The following TMEM178B variants were observed in gnomAD, a reference collection of about 807,000 sequenced individuals.
TMEM178B encodes transmembrane protein 178B.
Under a neutral mutation model 31.0 loss-of-function variants are expected in TMEM178B, and 5 were observed. The observed-to-expected ratio is 0.16, with a 90% CI of 0.08 to 0.34. The LOEUF (loss-of-function observed/expected upper bound fraction) is 0.34. Ranked by LOEUF, TMEM178B falls within the 10% of genes least tolerant of loss-of-function variation. TMEM178B has a pLI of 1.00. For missense variants in TMEM178B, 275 were observed against 400.3 expected (o/e 0.69, Z 2.67); for synonymous variants, 164 against 164.0 (o/e 1.00, Z 0.00).
At chr7:141,248,283 C>A (rs574425158) in intron 2 of TMEM178B, among the ~76,000 whole-genome samples, 1 of 151,996 alleles carries the variant, frequency 6.6e-6, no homozygotes, top group South Asian at 2.1e-4. Context: ...TGGTGGCAGG[C>A]GCCTGTAATC....
downstream of TMEM178B, among the ~76,000 whole-genome samples, chr7:141,482,492 C>T (rs1172454882): frequency 2.0e-5 from 3 of 152,188 alleles, no homozygotes; most frequent in East Asian, 1.9e-4. Context: ...ACTAGCAGCA[C>T]CTGGTGAGCA....
At chr7:141,139,693 C>T (rs977003015) in intron 1 of TMEM178B, among the ~76,000 whole-genome samples, 2 of 152,058 alleles carry the variant, frequency 1.3e-5, no homozygotes, top group Non-Finnish European at 2.9e-5. Flanking sequence ...GTTGCACAAA[C>T]ATTGCTCTGC....
At chr7:141,090,672 C>G (rs940253381) in intron 1 of TMEM178B, among the ~76,000 whole-genome samples, 2 of 152,200 alleles carry the variant, frequency 1.3e-5, no homozygotes, top group African/African-American at 4.8e-5. Flanking sequence ...GCCTCTGATT[C>G]TCTGATGTAT....
intron 2 of TMEM178B, among the ~76,000 whole-genome samples, chr7:141,215,837 TCTTTTCTTTTCTTTTCTTTC>T (rs1797131846): frequency 1.5e-5 from 1 of 68,834 alleles, no homozygotes; most frequent in African/African-American, 3.5e-5. Context: ...TTTCTTTCTT[TCTTTTCTTTTCTTTTCTTTC>T]TCTTTCTTTC....
chr7:141,294,869 T>A (rs892064453), intron 2 of TMEM178B, among the ~76,000 whole-genome samples: 3 of 152,204 alleles, frequency 2.0e-5, no homozygotes, highest in Non-Finnish European at 4.4e-5. Context: ...CTGTGCTACA[T>A]CCTGGTGGAA....
At chr7:141,295,872 G>A (rs1389526554) in intron 2 of TMEM178B, among the ~76,000 whole-genome samples, 1 of 152,152 alleles carries the variant, frequency 6.6e-6, no homozygotes, top group Non-Finnish European at 1.5e-5. Context: ...TCTGAAGACG[G>A]CCCAGCCACA....
chr7:141,481,037 G>A (rs867924379), downstream of TMEM178B, among the ~76,000 whole-genome samples: 9 of 152,232 alleles, frequency 5.9e-5, no homozygotes, highest in African/African-American at 2.2e-4. Context: ...GAAGAAACGC[G>A]TGGCTGAGCA....
intron 2 of TMEM178B, among the ~76,000 whole-genome samples, chr7:141,338,582 GAA>G (rs1015399221): frequency 7.2e-5 from 11 of 152,168 alleles, no homozygotes; most frequent in African/African-American, 2.7e-4. Context: ...AAAAGAAAAA[GAA>G]AACTCCCTTT....
chr7:141,317,405 T>G lies in TMEM178B; in HGVS notation c.496+104701T>G, dbSNP rs964140686. On this transcript the variant is annotated intron_variant, in intron 2 of 3. Transcript: ENST00000565468. ...TCTGTTTTGCCCACCTGGCTGCAGG[T>G]GCATCAGTGAGAACAGCAGAGCTTT... Among the ~76,000 whole-genome samples, 6 of 152,156 alleles carry G rather than the reference T, an allele frequency of 3.9e-5. 1 individual carries two copies. The highest frequency in any genetic ancestry group is 8.8e-5 in the Non-Finnish European group (6 of 68,028).
chr7:141,103,036 G>A (rs1210851369), intron 1 of TMEM178B, among the ~76,000 whole-genome samples: 1 of 152,200 alleles, frequency 6.6e-6, no homozygotes, highest in Non-Finnish European at 1.5e-5. Context: ...GTGCTCTAAG[G>A]GGCAGTTAAA....
intron 1 of TMEM178B, among the ~76,000 whole-genome samples, chr7:141,210,254 C>T (rs1342934365): frequency 2.6e-5 from 4 of 152,022 alleles, no homozygotes; most frequent in East Asian, 1.9e-4. Context: ...CACCTGAGGT[C>T]GGGAGTTCAA....
At chr7:141,407,542 C>A (rs1013895724) in intron 2 of TMEM178B, among the ~76,000 whole-genome samples, 1 of 152,144 alleles carries the variant, frequency 6.6e-6, no homozygotes, top group African/African-American at 2.4e-5. Context: ...TACATATATT[C>A]GTCTACGGCC....
At chr7:141,147,786 G>A (rs749843620) in intron 1 of TMEM178B, among the ~76,000 whole-genome samples, 1 of 152,082 alleles carries the variant, frequency 6.6e-6, no homozygotes, top group Non-Finnish European at 1.5e-5. Flanking sequence ...TTGAGTTTGG[G>A]GTACCCACAG....
chr7:141,242,189 AG>A (rs1234580052), intron 2 of TMEM178B, among the ~76,000 whole-genome samples: 1 of 144,474 alleles, frequency 6.9e-6, no homozygotes. Context: ...TTGACTTTGA[AG>A]CAGAGTGAAA....
intron 2 of TMEM178B, among the ~76,000 whole-genome samples, chr7:141,375,896 C>G (rs968537995): frequency 1.3e-5 from 2 of 152,176 alleles, no homozygotes; most frequent in African/African-American, 4.8e-5. Context: ...AGGAGACAGG[C>G]CTCTTGGCCA....
At chr7:141,160,873 T>C (rs1554456281) in intron 1 of TMEM178B, among the ~76,000 whole-genome samples, 1 of 152,226 alleles carries the variant, frequency 6.6e-6, no homozygotes, top group Non-Finnish European at 1.5e-5. Flanking sequence ...CTTTGTTTTT[T>C]TGAGACGGAG....
chr7:141,343,649 A>T (rs1799557823), intron 2 of TMEM178B, among the ~76,000 whole-genome samples: 1 of 147,884 alleles, frequency 6.8e-6, no homozygotes, highest in Non-Finnish European at 1.5e-5. Context: ...CCACCGGGTT[A>T]CACCATTCTC....
chr7:141,296,570 A>G (rs760487416), intron 2 of TMEM178B, among the ~76,000 whole-genome samples: 40 of 152,220 alleles, frequency 2.6e-4, no homozygotes, highest in Non-Finnish European at 4.7e-4. Context: ...CTCTGAGGGA[A>G]CACAGATTTA....
At chr7:141,307,177 C>A (rs1307241312) in intron 2 of TMEM178B, among the ~76,000 whole-genome samples, 1 of 63,970 alleles carries the variant, frequency 1.6e-5, no homozygotes, top group Non-Finnish European at 2.6e-5. Flanking sequence ...ATTTTTATAT[C>A]ACTTTTTTCT....
Sources: gnomAD v4.1 joint callset for allele counts (sites outside exome capture counted in the v4.1 genomes callset) on GRCh38, gnomAD v4.1.1 for gene constraint, MANE v1.5 for transcripts, NCBI Gene and HGNC (gene_info 2026-07-23, HGNC 2026-07-21) for gene names.